The following SLC25A26 variants were observed in gnomAD, a reference collection of about 807,000 sequenced individuals.
SLC25A26 encodes solute carrier family 25 member 26.
Under a neutral mutation model 37.8 loss-of-function variants are expected in SLC25A26, and 36 were observed. The ratio of observed to expected loss-of-function variants is 0.95; its 90% CI spans 0.73 to 1.26. SLC25A26 has a LOEUF of 1.26. Among genes scored for constraint, SLC25A26 ranks in the 50% most tolerant of loss-of-function variants. The probability of loss-of-function intolerance (pLI) is 0.00; values close to 1 mark genes in which losing one functional copy is unlikely to be tolerated. For missense variants in SLC25A26, 390 were observed against 331.1 expected, an observed-to-expected ratio of 1.18 and a Z score of -1.38; for synonymous variants, 129 against 122.5, an observed-to-expected ratio of 1.05 and a Z score of -0.35.
rs1316646817 is a variant in SLC25A26, at chr3:66,206,195, T to A, written c.-353-14547T>A. 3.3e-5 allele frequency among the ~76,000 whole-genome samples: 5 copies of A among 152,262 alleles called. No individual in the cohort carries two copies. The East Asian group carries it at 7.7e-4, about 24-fold the overall frequency. On this transcript the variant is annotated intron_variant, in intron 1 of 10. Coordinates refer to the SLC25A26 transcript ENST00000676754. ...AATTCCTATGTTGGGATGTTTTCAGTGTGCCAGGGACTGTCCGCCATAACT... is the reference window on the plus strand; with the variant it reads ...AATTCCTATGTTGGGATGTTTTCAGAGTGCCAGGGACTGTCCGCCATAACT...
chr3:66,232,135 T>C (rs1167008113), intron 1 of SLC25A26, among the ~76,000 whole-genome samples: 1 of 152,248 alleles, frequency 6.6e-6, no homozygotes, highest in East Asian at 1.9e-4. Flanking sequence ...AAAGGTTTGA[T>C]AATTTAAAAT....
intron 1 of SLC25A26, among the ~76,000 whole-genome samples, chr3:66,235,774 G>T (rs1199446947): frequency 1.3e-5 from 2 of 152,158 alleles, no homozygotes; most frequent in Non-Finnish European, 2.9e-5. Flanking sequence ...GTTCATACAT[G>T]CTTATATATG....
rs532895335 is a variant in SLC25A26, at chr3:66,373,536, C to T, written c.707+2934C>T. Among the ~76,000 whole-genome samples the T allele has an allele frequency of 5.9e-5, 9 of 152,200 alleles. No homozygotes were observed. The East Asian group carries it at 9.7e-4, about 16-fold the overall frequency. On this transcript the variant is annotated intron_variant, in intron 9 of 9. Coordinates refer to ENST00000354883, the MANE Select transcript of SLC25A26 (RefSeq NM_001379210.1). Reference sequence around the variant, plus strand: ...GTGGCCAGAGTGGTCTCCCACAGCTCGGCATCTGCTGGCCGCCTGTCTAGC... The same window carrying T: ...GTGGCCAGAGTGGTCTCCCACAGCTTGGCATCTGCTGGCCGCCTGTCTAGC...
At chr3:66,201,407 A>C (rs2071108479) in intron 1 of SLC25A26, among the ~76,000 whole-genome samples, 1 of 151,888 alleles carries the variant, frequency 6.6e-6, no homozygotes, top group Non-Finnish European at 1.5e-5. Flanking sequence ...ATAACATCTC[A>C]CTACAGCCTC....
intron 5 of SLC25A26, among the ~76,000 whole-genome samples, chr3:66,293,914 T>C (rs1259684015): frequency 6.6e-6 from 1 of 152,114 alleles, no homozygotes; most frequent in Non-Finnish European, 1.5e-5. Flanking sequence ...AGTAATGGAG[T>C]TGTAGCCCTG....
Position 66,347,446 on chromosome 3 carries a change from A to G in SLC25A26, c.498+1038A>G, listed in dbSNP as rs543583784. On this transcript the variant is annotated intron_variant, in intron 6 of 9. Transcript: ENST00000354883. ...GAGATACCGTCTCACACCAGTCACA[A>G]TGGCGATTATTAAAAAGTCAAGAAA... 7.2e-5 allele frequency among the ~76,000 whole-genome samples: 11 copies of G among 152,312 alleles called. 1 individual carries two copies. In the South Asian group the frequency reaches 2.1e-3, roughly 29 times the overall value.
intron 7 of SLC25A26, among the ~76,000 whole-genome samples, chr3:66,364,829 C>T (rs1179559046): frequency 1.3e-5 from 2 of 152,096 alleles, no homozygotes; most frequent in Non-Finnish European, 2.9e-5. Flanking sequence ...TTTTAAAATG[C>T]CTCCAATATA....
Position 66,346,354 on chromosome 3 carries a change from C to G in SLC25A26, c.454-10C>G. ...GCCTAATTTATTTAATTTTTTTTTT[C>G]TCTCTTCAGATTCCTTTTTCTTTGG... On this transcript the variant is annotated splice_polypyrimidine_tract_variant and intron_variant, in intron 5 of 9. Transcript: ENST00000354883. 2 of 1,434,392 alleles carry G rather than the reference C, an allele frequency of 1.4e-6. No individual in the cohort carries two copies. Among genetic ancestry groups the G allele is most frequent in the Non-Finnish European group, 1.9e-6 (2 of 1,075,702 alleles). The allele number at this position is 1,434,392 out of a possible 1,614,324, so 88.9% of individuals were successfully genotyped here. A position where few individuals can be genotyped will look rare whatever the true frequency, so the allele number is the denominator to read the frequency against.
At chr3:66,355,683 T>C (rs1050711555) in intron 6 of SLC25A26, among the ~76,000 whole-genome samples, 1 of 152,240 alleles carries the variant, frequency 6.6e-6, no homozygotes, top group Non-Finnish European at 1.5e-5. Flanking sequence ...GTTCATCTGA[T>C]TGAATGATAA....
intron 1 of SLC25A26, among the ~76,000 whole-genome samples, chr3:66,202,625 C>T (rs2071126139): frequency 6.6e-6 from 1 of 151,278 alleles, no homozygotes; most frequent in Non-Finnish European, 1.5e-5. Flanking sequence ...GTAAGAATTA[C>T]TGGAGACACT....
At chr3:66,325,131 A>G (rs901399027) in intron 5 of SLC25A26, among the ~76,000 whole-genome samples, 5 of 152,194 alleles carry the variant, frequency 3.3e-5, no homozygotes, top group Admixed American at 3.3e-4. Flanking sequence ...TGTTTCCACA[A>G]TTCTAGTACA....
At chr3:66,264,464 A>C (rs1680388) in intron 5 of SLC25A26, among the ~76,000 whole-genome samples, 5 of 152,166 alleles carry the variant, frequency 3.3e-5, no homozygotes, top group Non-Finnish European at 7.4e-5. Context: ...GCCACACAGC[A>C]GGAGGTGAGC....
At chr3:66,373,318 G>A (rs1344994579) in intron 9 of SLC25A26, among the ~76,000 whole-genome samples, 2 of 152,196 alleles carry the variant, frequency 1.3e-5, no homozygotes, top group East Asian at 3.8e-4. Context: ...TGCGAGACTG[G>A]CTGGGGCCCT....
chr3:66,156,446 G>A (rs1304312991), intron 1 of SLC25A26, among the ~76,000 whole-genome samples: 1 of 132,836 alleles, frequency 7.5e-6, no homozygotes, highest in Non-Finnish European at 1.7e-5. Context: ...ATGATATAGG[G>A]TGATAGGGCC....
At chr3:66,375,632 A>G (rs1700603612) in intron 9 of SLC25A26, among the ~76,000 whole-genome samples, 1 of 152,180 alleles carries the variant, frequency 6.6e-6, no homozygotes, top group Admixed American at 6.5e-5. Context: ...GCGACAGCAC[A>G]TCTCTTTACA....
At chr3:66,203,210 GTT>G (rs1335499996) in intron 1 of SLC25A26, among the ~76,000 whole-genome samples, 1 of 151,846 alleles carries the variant, frequency 6.6e-6, no homozygotes, top group Non-Finnish European at 1.5e-5. Context: ...GCAAAACCTT[GTT>G]TCTATAAATA....
intron 2 of SLC25A26, among the ~76,000 whole-genome samples, chr3:66,238,600 C>T (rs566285084): frequency 1.8e-4 from 28 of 152,196 alleles, no homozygotes; most frequent in Non-Finnish European, 3.2e-4. Flanking sequence ...CCCGACGTCA[C>T]GTGATCTGCC....
intron 1 of SLC25A26, among the ~76,000 whole-genome samples, chr3:66,145,370 A>G (rs2070100036): frequency 6.6e-6 from 1 of 152,202 alleles, no homozygotes; most frequent in Admixed American, 6.5e-5. Context: ...ACTTATTTCA[A>G]AGGACACCAT....
intron 1 of SLC25A26, among the ~76,000 whole-genome samples, chr3:66,192,248 G>A (rs1017920535): frequency 5.3e-4 from 79 of 149,142 alleles, no homozygotes; most frequent in Middle Eastern, 3.5e-3. Context: ...CCTGGGAGGC[G>A]GAGGTTGCAG....
Sources: gnomAD v4.1 joint callset for allele counts (sites outside exome capture counted in the v4.1 genomes callset) on GRCh38, gnomAD v4.1.1 for gene constraint, MANE v1.5 for transcripts, NCBI Gene and HGNC (gene_info 2026-07-23, HGNC 2026-07-21) for gene names.